Variants in OPCML observed in about 807,000 individuals in gnomAD.
OPCML encodes the protein opioid-binding protein/cell adhesion molecule.
A neutral mutation model predicts 37.8 loss-of-function variants in OPCML; 13 were observed. The ratio of observed to expected loss-of-function variants is 0.34; its 90% CI spans 0.22 to 0.55. OPCML has a LOEUF of 0.55. Ranked by LOEUF, OPCML falls within the 20% of genes least tolerant of loss-of-function variation. The pLI is 0.91. For synonymous variants in OPCML, 176 were observed against 168.8 expected (o/e 1.04, Z -0.33); for missense variants, 341 against 435.6 (o/e 0.78, Z 1.93).
At chr11:133,260,612 T>G (rs1941460414) in intron 1 of OPCML, among the ~76,000 whole-genome samples, 1 of 152,136 alleles carries the variant, frequency 6.6e-6, no homozygotes, top group Non-Finnish European at 1.5e-5. Context: ...CTGGCAGGCT[T>G]TGGATTTGAA....
At chr11:132,969,771 T>A (rs2136750826) in intron 1 of OPCML, among the ~76,000 whole-genome samples, 1 of 152,348 alleles carries the variant, frequency 6.6e-6, no homozygotes, top group African/African-American at 2.4e-5. Flanking sequence ...CTTTTGGGGC[T>A]CAATTACGTC....
intron 1 of OPCML, among the ~76,000 whole-genome samples, chr11:133,476,727 C>T (rs1947248206): frequency 6.6e-6 from 1 of 152,232 alleles, no homozygotes; most frequent in South Asian, 2.1e-4. Flanking sequence ...CCAGGAGTGT[C>T]GAGGAGAACG....
At chr11:133,243,809 C>G (rs773366483) in intron 1 of OPCML, among the ~76,000 whole-genome samples, 1 of 152,218 alleles carries the variant, frequency 6.6e-6, no homozygotes, top group African/African-American at 2.4e-5. Context: ...AAGGACAGCA[C>G]AGTCGGAAAA....
intron 1 of OPCML, among the ~76,000 whole-genome samples, chr11:133,405,252 T>A (rs1430327095): frequency 3.3e-5 from 5 of 152,204 alleles, no homozygotes; most frequent in Non-Finnish European, 7.3e-5. Context: ...GTGTCCCCTC[T>A]GCCAGAGTTC....
chr11:133,039,101 A>C (rs1235301623), intron 1 of OPCML, among the ~76,000 whole-genome samples: 1 of 152,168 alleles, frequency 6.6e-6, no homozygotes, highest in African/African-American at 2.4e-5. Flanking sequence ...CACAACTCCA[A>C]GGCCTTTTCA....
At chr11:133,115,369 G>T (rs1008367966) in intron 1 of OPCML, among the ~76,000 whole-genome samples, 1 of 152,300 alleles carries the variant, frequency 6.6e-6, no homozygotes, top group Middle Eastern at 3.4e-3. Context: ...GCCTATTACA[G>T]TAATGGAGGT....
chr11:132,844,897 C>T (rs750245441), intron 2 of OPCML, among the ~76,000 whole-genome samples: 9 of 149,172 alleles, frequency 6.0e-5, no homozygotes, highest in South Asian at 4.2e-4. Context: ...CTTGGTTAAT[C>T]GCTACCCACA....
At chr11:133,006,024 T>C in intron 1 of OPCML, 1 of 985,336 alleles carries the variant, frequency 1.0e-6, no homozygotes, top group Non-Finnish European at 1.2e-6. Flanking sequence ...GAGCGGAGTG[T>C]GGCCTTCGTA....
At chr11:133,228,466 C>T (rs1241890465) in intron 1 of OPCML, among the ~76,000 whole-genome samples, 1 of 152,268 alleles carries the variant, frequency 6.6e-6, no homozygotes, top group Non-Finnish European at 1.5e-5. Flanking sequence ...GAAACAGAAT[C>T]TCAGAGAGAG....
At chr11:132,715,842 T>C (rs916707656) in intron 2 of OPCML, among the ~76,000 whole-genome samples, 1 of 152,194 alleles carries the variant, frequency 6.6e-6, no homozygotes, top group African/African-American at 2.4e-5. Context: ...TCTAGTCTAC[T>C]GGGATAATGA....
intron 1 of OPCML, among the ~76,000 whole-genome samples, chr11:133,381,101 G>A (rs796211288): frequency 6.6e-6 from 1 of 152,256 alleles, no homozygotes; most frequent in African/African-American, 2.4e-5. Context: ...AGCCTGACAG[G>A]CTCCGCATGA....
At chr11:132,561,609 G>A (rs191503066) in intron 3 of OPCML, among the ~76,000 whole-genome samples, 150 of 152,322 alleles carry the variant, frequency 9.8e-4, no homozygotes, top group Admixed American at 3.6e-3. Context: ...AATGCTGGGG[G>A]ACCATATGGC....
At chr11:132,561,093 C>A (rs1478399937) in intron 3 of OPCML, among the ~76,000 whole-genome samples, 1 of 152,178 alleles carries the variant, frequency 6.6e-6, no homozygotes, top group Non-Finnish European at 1.5e-5. Flanking sequence ...ATTTAGACTT[C>A]TCCTAACTTA....
At chr11:133,434,011 C>T (rs1440388087) in intron 1 of OPCML, among the ~76,000 whole-genome samples, 1 of 152,138 alleles carries the variant, frequency 6.6e-6, no homozygotes, top group African/African-American at 2.4e-5. Context: ...TGCCAGATCA[C>T]TATGCATTTT....
chr11:132,483,769 T>C (rs1342993352), intron 4 of OPCML, among the ~76,000 whole-genome samples: 1 of 151,680 alleles, frequency 6.6e-6, no homozygotes, highest in Non-Finnish European at 1.5e-5. Context: ...GCCACATATC[T>C]ACAACTATCT....
At chr11:132,642,220 G>T (rs1940890689) in intron 3 of OPCML, among the ~76,000 whole-genome samples, 1 of 152,256 alleles carries the variant, frequency 6.6e-6, no homozygotes, top group East Asian at 1.9e-4. Flanking sequence ...CTTTGATGAT[G>T]TCTTGCTGAT....
intron 3 of OPCML, among the ~76,000 whole-genome samples, chr11:132,614,631 A>G (rs1437803121): frequency 6.6e-6 from 1 of 152,238 alleles, no homozygotes; most frequent in East Asian, 1.9e-4. Context: ...GGGAATGCCT[A>G]ACACATGTTA....
chr11:132,418,076 T>A lies in OPCML; in HGVS notation c.*2117A>T, dbSNP rs1397300479. 6.6e-6 allele frequency: 1 copy of A among 152,248 alleles called. No individual in the cohort carries two copies. Among genetic ancestry groups the A allele is most frequent in the Admixed American group, 6.5e-5 (1 of 15,280 alleles). 9.4% of individuals were successfully genotyped at this position (152,248 alleles called of 1,614,324 possible). ...GTATATATGTATAGATATCTCTGTG[T>A]GTGTTTCCCCATGGCAGAGGTCACA... On this transcript the variant is annotated 3_prime_UTR_variant, in exon 8 of 8. Transcript: ENST00000524381.
chr11:132,628,476 C>T (rs993874028), intron 3 of OPCML, among the ~76,000 whole-genome samples: 1 of 152,126 alleles, frequency 6.6e-6, no homozygotes, highest in Non-Finnish European at 1.5e-5. Flanking sequence ...AGCACTACCC[C>T]TCCCAGGATT....
Sources: allele counts gnomAD v4.1 joint callset (sites outside exome capture counted in the v4.1 genomes callset), GRCh38; gene constraint gnomAD v4.1.1; transcripts MANE v1.5; gene names NCBI Gene and HGNC (gene_info 2026-07-23, HGNC 2026-07-21).